Variants in NCAM2 observed in about 807,000 individuals in gnomAD.
NCAM2 encodes the protein N-CAM-2.
A neutral mutation model predicts 98.1 loss-of-function variants in NCAM2; 30 were observed. The ratio of observed to expected loss-of-function variants is 0.31; its 90% CI spans 0.23 to 0.41. The LOEUF (loss-of-function observed/expected upper bound fraction) is 0.41, where lower values mean the gene tolerates loss of function less well. Among genes scored for constraint, NCAM2 ranks in the 10% least tolerant of loss-of-function variants. The pLI is 1.00. For missense variants in NCAM2, 867 were observed against 1,005.8 expected, an observed-to-expected ratio of 0.86 and a Z score of 1.87; for synonymous variants, 368 against 342.4, an observed-to-expected ratio of 1.07 and a Z score of -0.83.
chr21:21,232,848 A>T (rs999659333), intron 1 of NCAM2, among the ~76,000 whole-genome samples: 1 of 151,666 alleles, frequency 6.6e-6, no homozygotes, highest in Non-Finnish European at 1.5e-5. Context: ...ACTTAAAAAA[A>T]TTCCAGTCTT....
intron 8 of NCAM2, among the ~76,000 whole-genome samples, chr21:21,372,793 A>G (rs2075949387): frequency 6.6e-6 from 1 of 151,764 alleles, no homozygotes; most frequent in African/African-American, 2.4e-5. Flanking sequence ...GTATATTGAT[A>G]ATAACTTTTA....
chr21:21,317,752 C>T (rs1259756855), intron 5 of NCAM2, among the ~76,000 whole-genome samples: 3 of 152,036 alleles, frequency 2.0e-5, no homozygotes, highest in African/African-American at 7.2e-5. Context: ...TCAGGCTCAT[C>T]TCAATCTCCT....
chr21:21,543,099 A>G lies in NCAM2; in HGVS notation c.*5142A>G, dbSNP rs534356668. On this transcript the variant is annotated 3_prime_UTR_variant, in exon 18 of 18. Transcript: ENST00000400546. ...CTATCTTTTATTTTCTTTAATTTAT[A>G]TATTCCATTCAAATTCTATATTCTT... is the stretch of plus-strand genomic sequence containing the variant. 6.6e-6 allele frequency: 1 copy of G among 151,956 alleles called. No individual in the cohort carries two copies. The highest frequency in any genetic ancestry group is 2.4e-5 in the African/African-American group (1 of 41,528). 9.4% of individuals were successfully genotyped at this position (151,956 alleles called of 1,614,324 possible).
intron 10 of NCAM2, among the ~76,000 whole-genome samples, chr21:21,414,556 G>A (rs189379386): frequency 4.4e-4 from 65 of 147,110 alleles, no homozygotes; most frequent in African/African-American, 1.5e-3. Flanking sequence ...CTGCACCTCC[G>A]CTTCCCGGGT....
chr21:21,033,569 C>T lies in NCAM2; in HGVS notation c.55+34951C>T, dbSNP rs373501372. ...TCAGGTGAAATAAATGACCTCCCCC[C>T]CAAAACAATGGCGTGAGACCAAGTT... On this transcript the variant is annotated intron_variant, in intron 1 of 17. Coordinates refer to ENST00000400546, the MANE Select transcript of NCAM2 (RefSeq NM_004540.5). 3.4e-4 allele frequency among the ~76,000 whole-genome samples: 51 copies of T among 152,100 alleles called. 1 individual carries two copies. Among genetic ancestry groups the T allele is most frequent in the Admixed American group, 2.0e-4 (3 of 15,278 alleles).
chr21:21,231,678 A>G (rs755265998), intron 1 of NCAM2, among the ~76,000 whole-genome samples: 2 of 151,306 alleles, frequency 1.3e-5, no homozygotes, highest in Non-Finnish European at 3.0e-5. Context: ...ATTATACAGA[A>G]TAATTTGATT....
chr21:21,017,736 A>G (rs1047529700), intron 1 of NCAM2, among the ~76,000 whole-genome samples: 5 of 152,136 alleles, frequency 3.3e-5, no homozygotes, highest in Admixed American at 2.6e-4. Context: ...TAGGATAGCT[A>G]TGCTTTTTCT....
chr21:21,170,223 T>C (rs2068079502), intron 1 of NCAM2, among the ~76,000 whole-genome samples: 1 of 152,164 alleles, frequency 6.6e-6, no homozygotes, highest in African/African-American at 2.4e-5. Context: ...AGCATATTCT[T>C]AATATATGAT....
At chr21:21,530,566 A>T (rs1052509961) in intron 16 of NCAM2, among the ~76,000 whole-genome samples, 1 of 151,154 alleles carries the variant, frequency 6.6e-6, no homozygotes, top group African/African-American at 2.4e-5. Flanking sequence ...ACACACTCAC[A>T]CACACAGATA....
intron 15 of NCAM2, among the ~76,000 whole-genome samples, chr21:21,497,366 G>T (rs987895626): frequency 6.6e-6 from 1 of 152,006 alleles, no homozygotes; most frequent in Non-Finnish European, 1.5e-5. Flanking sequence ...ATTCTAAAAG[G>T]TATACAGTTT....
intron 1 of NCAM2, among the ~76,000 whole-genome samples, chr21:21,009,883 C>CTGTGTGTGTGTG (rs5842868): frequency 0.11 from 14,724 of 139,522 alleles, 988 homozygotes; most frequent in East Asian, 0.17. Context: ...CCTCTGATAG[C>CTGTGTGTGTGTG]TGTGTGTGTG....
chr21:21,010,327 A>T (rs768337252), intron 1 of NCAM2, among the ~76,000 whole-genome samples: 24 of 152,160 alleles, frequency 1.6e-4, no homozygotes, highest in Non-Finnish European at 3.2e-4. Flanking sequence ...ATGAAGGCCT[A>T]TGTGCTTTAT....
intron 1 of NCAM2, among the ~76,000 whole-genome samples, chr21:21,013,365 C>T: frequency 6.6e-6 from 1 of 152,196 alleles, no homozygotes; most frequent in East Asian, 1.9e-4. Flanking sequence ...CCACAATATT[C>T]TCTTAAACCA....
intron 15 of NCAM2, among the ~76,000 whole-genome samples, chr21:21,487,400 T>C (rs1357205613): frequency 5.3e-5 from 8 of 152,092 alleles, no homozygotes; most frequent in African/African-American, 1.9e-4. Flanking sequence ...GATTTTTTTT[T>C]CATACAATGG....
intron 9 of NCAM2, among the ~76,000 whole-genome samples, chr21:21,381,045 A>G (rs9978592): frequency 0.072 from 10,948 of 152,302 alleles, 442 homozygotes; most frequent in East Asian, 0.16. Flanking sequence ...TGTGAAATTA[A>G]AATGTGTCTT....
chr21:21,440,642 C>T (rs1035431597), intron 12 of NCAM2, among the ~76,000 whole-genome samples: 6 of 150,206 alleles, frequency 4.0e-5, no homozygotes, highest in Non-Finnish European at 8.8e-5. Flanking sequence ...GATTGCAGCA[C>T]GGCACTCCAG....
chr21:21,343,460 A>G (rs977861072), intron 8 of NCAM2, among the ~76,000 whole-genome samples: 1 of 152,052 alleles, frequency 6.6e-6, no homozygotes, highest in Non-Finnish European at 1.5e-5. Flanking sequence ...CATATTGCTG[A>G]AAGAGTCACT....
chr21:21,412,347 C>T (rs1314029577), intron 10 of NCAM2, among the ~76,000 whole-genome samples: 1 of 152,202 alleles, frequency 6.6e-6, no homozygotes, highest in African/African-American at 2.4e-5. Flanking sequence ...CTTAAAGATC[C>T]TATCTCCAAA....
chr21:21,015,099 A>G (rs543853840), intron 1 of NCAM2, among the ~76,000 whole-genome samples: 1 of 152,344 alleles, frequency 6.6e-6, no homozygotes, highest in African/African-American at 2.4e-5. Flanking sequence ...GTAAGCAAGG[A>G]AAGTGATTTC....
Sources: gnomAD v4.1 joint callset for allele counts (sites outside exome capture counted in the v4.1 genomes callset) on GRCh38, gnomAD v4.1.1 for gene constraint, MANE v1.5 for transcripts, NCBI Gene and HGNC (gene_info 2026-07-23, HGNC 2026-07-21) for gene names.